The following MAGI2 variants were observed in gnomAD, a reference collection of about 807,000 sequenced individuals.
MAGI2 encodes membrane-associated guanylate kinase, WW and PDZ domain-containing protein 2.
Under a neutral mutation model 133.3 loss-of-function variants are expected in MAGI2, and 35 were observed. The ratio of observed to expected loss-of-function variants is 0.26; its 90% CI spans 0.20 to 0.35. The LOEUF is 0.35. Among genes scored for constraint, MAGI2 ranks in the 10% least tolerant of loss-of-function variants. The pLI, the probability that MAGI2 is intolerant of heterozygous loss-of-function variation, is 1.00. For missense variants in MAGI2, 1,636 were observed against 1,863.4 expected, an observed-to-expected ratio of 0.88 and a Z score of 2.25; for synonymous variants, 729 against 710.6, an observed-to-expected ratio of 1.03 and a Z score of -0.41.
At chr7:79,446,159 C>A (rs1350014508) in intron 1 of MAGI2, among the ~76,000 whole-genome samples, 2 of 151,996 alleles carry the variant, frequency 1.3e-5, no homozygotes, top group Admixed American at 1.3e-4. Context: ...CACACCTGGG[C>A]CTGTTGTGCA....
intron 4 of MAGI2, among the ~76,000 whole-genome samples, chr7:78,503,566 C>CCCTCCTCCCCCCCCT (rs1794815600): frequency 1.5e-5 from 1 of 67,336 alleles, no homozygotes; most frequent in African/African-American, 8.2e-5. Context: ...CTCCCCCTCC[C>CCCTCCTCCCCCCCCT]CCTCCTCCTC....
chr7:79,004,180 A>G (rs1434040485), intron 2 of MAGI2, among the ~76,000 whole-genome samples: 3 of 152,202 alleles, frequency 2.0e-5, no homozygotes, highest in African/African-American at 4.8e-5. Flanking sequence ...AGCACTATTT[A>G]CAATAGCAAA....
At chr7:78,121,172 C>T (rs6466036) in intron 20 of MAGI2, among the ~76,000 whole-genome samples, 128,678 of 150,002 alleles carry the variant, frequency 0.86, 55,547 homozygotes, top group African/African-American at 0.91. Flanking sequence ...TAAGAGAAGA[C>T]GTTTAAGACC....
chr7:79,428,357 A>T (rs1847539655), intron 1 of MAGI2, among the ~76,000 whole-genome samples: 2 of 152,190 alleles, frequency 1.3e-5, no homozygotes, highest in Admixed American at 1.3e-4. Flanking sequence ...GACAAAGCTG[A>T]GGTTAAAATG....
At chr7:78,624,964 GTA>G (rs969300222) in intron 3 of MAGI2, among the ~76,000 whole-genome samples, 11 of 151,936 alleles carry the variant, frequency 7.2e-5, no homozygotes, top group Non-Finnish European at 1.3e-4. Context: ...TCCTTAGGAG[GTA>G]TTCCAGAAGA....
At chr7:78,840,625 T>C (rs574432011) in intron 2 of MAGI2, among the ~76,000 whole-genome samples, 1 of 152,114 alleles carries the variant, frequency 6.6e-6, no homozygotes, top group African/African-American at 2.4e-5. Context: ...AGATGCTGCA[T>C]CTGAAAATAA....
At position 79,211,481 on chromosome 7, in the gene MAGI2, G is replaced by T. The variant is rs776852064; in HGVS notation, c.302-204275C>A. On this transcript the variant is annotated intron_variant, in intron 1 of 21. Transcript: ENST00000354212. ...TTTCTTTTTTGTTTTTTTTTTTGAG[G>T]CAGGGTCTCACTGTGCTGCCCAGGC... 4.2e-4 allele frequency among the ~76,000 whole-genome samples: 63 copies of T among 150,110 alleles called. 3 individuals carry two copies. The highest frequency in any genetic ancestry group is 2.7e-4 in the Admixed American group (4 of 15,064).
chr7:79,084,586 A>G (rs1562872434), intron 1 of MAGI2, among the ~76,000 whole-genome samples: 1 of 151,790 alleles, frequency 6.6e-6, no homozygotes, highest in African/African-American at 2.4e-5. Context: ...AGAAGGTTCC[A>G]TGTGCCCTGC....
At chr7:79,428,271 C>T (rs75529465) in intron 1 of MAGI2, among the ~76,000 whole-genome samples, 87 of 152,224 alleles carry the variant, frequency 5.7e-4, no homozygotes, top group African/African-American at 2.0e-3. Context: ...CTATTAACAA[C>T]AAGCAGAGAA....
intron 16 of MAGI2, among the ~76,000 whole-genome samples, chr7:78,136,123 T>C (rs1229912446): frequency 5.9e-5 from 9 of 151,360 alleles, no homozygotes; most frequent in African/African-American, 9.7e-5. Context: ...TTTCTTCTTT[T>C]TTTTTTTTTT....
intron 2 of MAGI2, among the ~76,000 whole-genome samples, chr7:78,849,824 TTTG>T (rs1358694956): frequency 2.0e-5 from 3 of 152,064 alleles, no homozygotes; most frequent in Non-Finnish European, 4.4e-5. Flanking sequence ...TATTCTTTAT[TTTG>T]TTATTTTTCC....
intron 6 of MAGI2, among the ~76,000 whole-genome samples, chr7:78,478,929 G>A (rs1349396616): frequency 2.6e-5 from 4 of 151,888 alleles, no homozygotes; most frequent in Non-Finnish European, 4.4e-5. Context: ...TAACTGGGAC[G>A]TGGGGGCAGC....
intron 2 of MAGI2, among the ~76,000 whole-genome samples, chr7:78,713,097 G>A (rs1236679135): frequency 6.6e-6 from 1 of 152,116 alleles, no homozygotes; most frequent in Non-Finnish European, 1.5e-5. Flanking sequence ...TTGGAAATGT[G>A]AGACTATGTT....
At position 79,271,666 on chromosome 7, in the gene MAGI2, A is replaced by ATTT. The variant is rs71518912; in HGVS notation, c.301+181351_301+181353dup. ...CAGGATGCTTGCTATGGTGTGAGTGATTTTTTTTTTTTTTTGTGAAGACTG... is the reference window on the plus strand; with the variant it reads ...CAGGATGCTTGCTATGGTGTGAGTGATTTTTTTTTTTTTTTTTTGTGAAGACTG... On this transcript the variant is annotated intron_variant, in intron 1 of 21. Coordinates refer to ENST00000354212, the MANE Select transcript of MAGI2 (RefSeq NM_012301.4). Among the ~76,000 whole-genome samples the ATTT allele has an allele frequency of 7.0e-3, 992 of 141,780 alleles. 31 individuals carry two copies. The highest frequency in any genetic ancestry group is 0.015 in the Middle Eastern group (4 of 264). The allele number at this position is 141,780 out of a possible 152,430, so 93.0% of individuals were successfully genotyped here.
At chr7:79,438,384 T>C (rs1168913598) in intron 1 of MAGI2, among the ~76,000 whole-genome samples, 1 of 152,148 alleles carries the variant, frequency 6.6e-6, no homozygotes, top group Non-Finnish European at 1.5e-5. Context: ...CTAATCTAAA[T>C]TGCTTTAAGT....
At chr7:78,474,811 T>G (rs1352767728) in intron 6 of MAGI2, among the ~76,000 whole-genome samples, 1 of 151,554 alleles carries the variant, frequency 6.6e-6, no homozygotes, top group Non-Finnish European at 1.5e-5. Flanking sequence ...TATATATTAT[T>G]TAAATAATAT....
Position 78,019,343 on chromosome 7 carries a change from T to G in MAGI2, c.4340A>C (p.Lys1447Thr). 1.3e-6 allele frequency: 2 copies of G among 1,532,372 alleles called. No individual in the cohort carries two copies. The highest frequency in any genetic ancestry group is 1.7e-6 in the Non-Finnish European group (2 of 1,148,878). The allele number at this position is 1,532,372 out of a possible 1,614,324, so 94.9% of individuals were successfully genotyped here. ...TCTGCTGGCGGCCGAGGCGCCGGGT[T>G]TGAGGACGCTGGGCAGCTTGTCAGA... is the stretch of plus-strand genomic sequence containing the variant. The part of the protein sequence containing the change: ...PGSDKLPSVL[K>T]PGASAASR Residue 1447 changes from lysine (K) to threonine (T), a missense_variant, in exon 22 of 22, where the codon AAA becomes ACA. By Grantham distance (78) the Lys-to-Thr change is moderately conservative. This residue lies in a region of MAGI2 where 354 missense variants were observed against 298.7 expected (regional missense o/e 1.19). Coordinates refer to ENST00000354212, the MANE Select transcript of MAGI2 (RefSeq NM_012301.4).
At chr7:78,658,094 C>G (rs1812504962) in intron 2 of MAGI2, among the ~76,000 whole-genome samples, 1 of 152,126 alleles carries the variant, frequency 6.6e-6, no homozygotes, top group Non-Finnish European at 1.5e-5. Context: ...ATAGATTTCT[C>G]CATGAAACTA....
intron 2 of MAGI2, among the ~76,000 whole-genome samples, chr7:78,910,361 T>G (rs1798318779): frequency 6.6e-6 from 1 of 151,926 alleles, no homozygotes; most frequent in Non-Finnish European, 1.5e-5. Flanking sequence ...ATTCTTCACT[T>G]GGTATCCATT....
Sources: gnomAD v4.1 joint callset for allele counts (sites outside exome capture counted in the v4.1 genomes callset) on GRCh38, gnomAD v4.1.1 for gene constraint, gnomAD v4.1.1 regional missense constraint, MANE v1.5 for transcripts, NCBI Gene and HGNC (gene_info 2026-07-23, HGNC 2026-07-21) for gene names.